Variants in PRTG observed in about 807,000 individuals in gnomAD.
PRTG encodes the protein protogenin, also known as immunoglobulin superfamily, DCC subclass, member 5.
PRTG carries 67 observed loss-of-function variants against 122.5 expected under a neutral mutation model. The ratio of observed to expected loss-of-function variants is 0.55; its 90% confidence interval spans 0.45 to 0.67. PRTG has a LOEUF of 0.67. Among genes scored for constraint, PRTG ranks in the 30% least tolerant of loss-of-function variants. The probability of loss-of-function intolerance (pLI) is 0.00; values close to 1 mark genes in which losing one functional copy is unlikely to be tolerated. For missense variants in PRTG, 1,435 were observed against 1,415.4 expected, an observed-to-expected ratio of 1.01 and a Z score of -0.22; for synonymous variants, 554 against 501.1, an observed-to-expected ratio of 1.11 and a Z score of -1.41.
chr15:55,672,774 A>C, intron 10 of PRTG, 141 bp from the exon 11 acceptor site: 1 of 533,218 alleles, frequency 1.9e-6, no homozygotes, highest in Non-Finnish European at 3.2e-6. Context: ...TAACTTTCCA[A>C]ATTTCACAAT....
intron 2 of PRTG, among the ~76,000 whole-genome samples, chr15:55,694,766 T>C (rs955177736): frequency 6.6e-6 from 1 of 152,196 alleles, no homozygotes; most frequent in Non-Finnish European, 1.5e-5. Flanking sequence ...ATATTTTGCA[T>C]TTATTTAAAT....
At chr15:55,623,288 C>G (rs1296188150) in intron 18 of PRTG, among the ~76,000 whole-genome samples, 2 of 152,058 alleles carry the variant, frequency 1.3e-5, no homozygotes, top group Non-Finnish European at 2.9e-5. Flanking sequence ...TAAAAAACAG[C>G]TGGGCACGGT....
Position 55,723,755 on chromosome 15 carries a change from T to TTC in PRTG, c.397+16626_397+16627insGA, listed in dbSNP as rs573760441. ...TAGCCATATTCTTTTCTTTTTTCTT[T>TTC]TTTTTTTTTTTTTTGAGTTGGAGTC... On this transcript the variant is annotated intron_variant, in intron 2 of 19. Coordinates refer to ENST00000389286, the MANE Select transcript of PRTG (RefSeq NM_173814.6). 9.0e-3 allele frequency among the ~76,000 whole-genome samples: 1,286 copies of TTC among 142,658 alleles called. 8 individuals carry two copies. The highest frequency in any genetic ancestry group is 0.014 in the Middle Eastern group (4 of 288). The allele number at this position is 142,658 out of a possible 152,430, so 93.6% of individuals were successfully genotyped here.
chr15:55,711,667 C>T (rs994980088), intron 2 of PRTG, among the ~76,000 whole-genome samples: 6 of 152,148 alleles, frequency 3.9e-5, no homozygotes, highest in African/African-American at 1.2e-4. Context: ...GATCATCCAG[C>T]CAACATTCTC....
rs539184319 is a variant in PRTG at position 55,713,156 on chromosome 15, T to A, written c.397+27226A>T. Among the ~76,000 whole-genome samples the A allele has an allele frequency of 3.8e-3, 582 of 152,290 alleles. 1 individual carries two copies. Among genetic ancestry groups the A allele is most frequent in the Non-Finnish European group, 5.7e-3 (389 of 67,992 alleles). On this transcript the variant is annotated intron_variant, in intron 2 of 19. Transcript: ENST00000389286. ...TTGGTGTTTATAATTATAAGAACTA[T>A]TTTGTACTTTTAGTAATACCTATGT...
chr15:55,622,384 ATTTTTT>A (rs35166581), intron 18 of PRTG, among the ~76,000 whole-genome samples: 1 of 109,294 alleles, frequency 9.1e-6, no homozygotes, highest in Non-Finnish European at 1.9e-5. Context: ...CACCCAGCTA[ATTTTTT>A]TTTTTTTTTT....
At chr15:55,652,671 G>A (rs1361506142) in intron 11 of PRTG, among the ~76,000 whole-genome samples, 2 of 152,178 alleles carry the variant, frequency 1.3e-5, no homozygotes, top group African/African-American at 2.4e-5. Context: ...AAACGCTAAG[G>A]GGGATGGGTG....
intron 1 of PRTG, 198 bp downstream of exon 1, chr15:55,742,640 C>T: frequency 1.6e-6 from 1 of 614,998 alleles, no homozygotes; most frequent in Admixed American, 3.5e-5. Flanking sequence ...CCAAGCAGCG[C>T]AGAGGCCGCA....
intron 13 of PRTG, 142 bp from the exon 14 acceptor site, chr15:55,638,818 G>C (rs2059272759): frequency 1.4e-6 from 1 of 691,490 alleles, no homozygotes; most frequent in Non-Finnish European, 2.3e-6. Flanking sequence ...TTAGACTAAA[G>C]AACAATTTAA....
At chr15:55,624,532 G>A (rs1437145921) in intron 17 of PRTG, 25 bp from the exon 18 acceptor site, 1 of 1,596,368 alleles carries the variant, frequency 6.3e-7, no homozygotes, top group South Asian at 1.1e-5. Flanking sequence ...AGAAGAGGAA[G>A]TCTTCTAATT....
At chr15:55,728,638 A>C (rs2031123372) in intron 2 of PRTG, among the ~76,000 whole-genome samples, 1 of 152,232 alleles carries the variant, frequency 6.6e-6, no homozygotes, top group South Asian at 2.1e-4. Flanking sequence ...AAAGCCTCAC[A>C]ATATCATACT....
chr15:55,660,375 C>A (rs975191566), intron 11 of PRTG, among the ~76,000 whole-genome samples: 12 of 152,094 alleles, frequency 7.9e-5, no homozygotes, highest in Admixed American at 1.3e-4. Flanking sequence ...AAAAAGAAAA[C>A]CCCTCTCGTT....
intron 2 of PRTG, among the ~76,000 whole-genome samples, chr15:55,736,557 A>G (rs2031419396): frequency 6.6e-6 from 1 of 152,154 alleles, no homozygotes; most frequent in Non-Finnish European, 1.5e-5. Flanking sequence ...AAATTGATGT[A>G]TGTTTTTATT....
chr15:55,630,359 G>C (rs1230508437), intron 15 of PRTG, among the ~76,000 whole-genome samples: 3 of 152,130 alleles, frequency 2.0e-5, no homozygotes, highest in African/African-American at 4.8e-5. Flanking sequence ...CTGACCTCAA[G>C]TAATCTGCCC....
At chr15:55,737,976 TTC>T (rs376933626) in intron 2 of PRTG, among the ~76,000 whole-genome samples, 1,547 of 91,604 alleles carry the variant, frequency 0.017, 29 homozygotes, top group African/African-American at 0.044. Context: ...TTAATGCCTA[TTC>T]TCTCTCTCTC....
intron 1 of PRTG, among the ~76,000 whole-genome samples, chr15:55,741,536 G>C (rs1213186181): frequency 1.3e-5 from 2 of 152,092 alleles, no homozygotes; most frequent in Non-Finnish European, 2.9e-5. Context: ...CCCTCGCCAG[G>C]ATAAAGCATT....
intron 18 of PRTG, among the ~76,000 whole-genome samples, chr15:55,623,796 T>A (rs1458213267): frequency 6.6e-6 from 1 of 152,224 alleles, no homozygotes. Context: ...GGAAAGGACA[T>A]GAAGTAACTT....
In PRTG at chr15:55,624,240, G is replaced by C. The variant is rs147760824; in HGVS notation, c.3093+102C>G. ...CAATATTTCATTAATAAGAGTATTG[G>C]TATAATACATTCAACATACAATTTT... On this transcript the variant is annotated intron_variant, in intron 18 of 19. Coordinates refer to ENST00000389286, the MANE Select transcript of PRTG (RefSeq NM_173814.6). The C allele has an allele frequency of 4.4e-3, 4,309 of 977,514 alleles. 86 individuals are homozygous for C. The African/African-American group carries it at 0.048, about 11-fold the overall frequency. 60.6% of individuals were successfully genotyped at this position (977,514 alleles called of 1,614,324 possible).
At chr15:55,658,908 A>C (rs942189378) in intron 11 of PRTG, among the ~76,000 whole-genome samples, 1 of 152,228 alleles carries the variant, frequency 6.6e-6, no homozygotes, top group Non-Finnish European at 1.5e-5. Flanking sequence ...TAATGACCCC[A>C]GTTAGATGTA....
Sources: gnomAD v4.1 joint callset for allele counts (sites outside exome capture counted in the v4.1 genomes callset) on GRCh38, gnomAD v4.1.1 for gene constraint, MANE v1.5 for transcripts, NCBI Gene and HGNC (gene_info 2026-07-23, HGNC 2026-07-21) for gene names.